Variants in ATP9A observed in about 807,000 individuals in gnomAD.
The protein encoded by ATP9A is ATPase phospholipid transporting 9A, also known as probable phospholipid-transporting ATPase IIA.
In ATP9A, 52 loss-of-function variants were observed where a neutral mutation model predicts 144.1. That is an observed-to-expected ratio of 0.36 (90% CI 0.29 to 0.45). The LOEUF is 0.45. ATP9A is among the 20% of genes least tolerant of loss of function. ATP9A has a pLI of 1.00. For missense variants in ATP9A, 947 were observed against 1,392.7 expected, an observed-to-expected ratio of 0.68 and a Z score of 5.09; for synonymous variants, 582 against 557.4, an observed-to-expected ratio of 1.04 and a Z score of -0.62.
intron 1 of ATP9A, among the ~76,000 whole-genome samples, chr20:51,730,809 C>T (rs942596049): frequency 2.0e-5 from 3 of 152,068 alleles, no homozygotes; most frequent in African/African-American, 7.2e-5. Flanking sequence ...TCTAATGGGG[C>T]CACTGTTATA....
At chr20:51,690,349 G>A (rs1234984044) in intron 8 of ATP9A, among the ~76,000 whole-genome samples, 2 of 152,056 alleles carry the variant, frequency 1.3e-5, no homozygotes, top group African/African-American at 2.4e-5. Flanking sequence ...GAACCCGGGA[G>A]ACGGAGCCTG....
chr20:51,720,985 T>G (rs1473598792), intron 3 of ATP9A, among the ~76,000 whole-genome samples: 1 of 152,222 alleles, frequency 6.6e-6, no homozygotes, highest in African/African-American at 2.4e-5. Flanking sequence ...AAAGGGCCTC[T>G]CTAGCTCTCA....
At chr20:51,733,141 C>T (rs576552348) in intron 1 of ATP9A, among the ~76,000 whole-genome samples, 5 of 152,150 alleles carry the variant, frequency 3.3e-5, no homozygotes, top group Non-Finnish European at 7.3e-5. Context: ...TTATTAATTA[C>T]TTAGCCTATC....
chr20:51,644,986 C>T (rs373308561), intron 14 of ATP9A, among the ~76,000 whole-genome samples: 2 of 152,182 alleles, frequency 1.3e-5, no homozygotes, highest in East Asian at 3.8e-4. Flanking sequence ...GCAGCAGAAT[C>T]GGCCAGCCCA....
At chr20:51,723,296 G>A (rs2077697475) in intron 3 of ATP9A, among the ~76,000 whole-genome samples, 1 of 152,050 alleles carries the variant, frequency 6.6e-6, no homozygotes, top group Non-Finnish European at 1.5e-5. Context: ...CAAATAGGGT[G>A]CAGTGTATAC....
chr20:51,627,253 C>G (rs1404363752), intron 17 of ATP9A, among the ~76,000 whole-genome samples: 1 of 151,950 alleles, frequency 6.6e-6, no homozygotes, highest in East Asian at 1.9e-4. Flanking sequence ...TTTTTGGCCC[C>G]AAATGGTAGC....
intron 11 of ATP9A, among the ~76,000 whole-genome samples, chr20:51,673,236 T>C (rs958713003): frequency 6.6e-6 from 1 of 152,036 alleles, no homozygotes; most frequent in African/African-American, 2.4e-5. Context: ...TAGCCAAGCG[T>C]GGTGGCAGGA....
intron 7 of ATP9A, among the ~76,000 whole-genome samples, chr20:51,692,904 C>T (rs1601108600): frequency 6.6e-6 from 1 of 152,272 alleles, no homozygotes; most frequent in Middle Eastern, 3.4e-3. Context: ...CATAGGGTGG[C>T]TACATTTCTT....
intron 16 of ATP9A, among the ~76,000 whole-genome samples, chr20:51,628,343 T>C (rs1264698035): frequency 6.6e-6 from 1 of 152,240 alleles, no homozygotes; most frequent in African/African-American, 2.4e-5. Flanking sequence ...CAGCCTCTGA[T>C]GTGGCCCCTC....
chr20:51,636,907 T>C (rs772790236), intron 15 of ATP9A, among the ~76,000 whole-genome samples: 14 of 152,150 alleles, frequency 9.2e-5, no homozygotes, highest in Non-Finnish European at 1.5e-4. Flanking sequence ...CTCGCCAACA[T>C]GGCAAAACCC....
chr20:51,610,980 C>A (rs2077182956), intron 23 of ATP9A, among the ~76,000 whole-genome samples: 1 of 152,116 alleles, frequency 6.6e-6, no homozygotes, highest in Non-Finnish European at 1.5e-5. Flanking sequence ...CTGGGGAGAT[C>A]CAATCAGGCT....
At chr20:51,701,750 G>A (rs1337430779) in intron 4 of ATP9A, among the ~76,000 whole-genome samples, 1 of 152,176 alleles carries the variant, frequency 6.6e-6, no homozygotes, top group African/African-American at 2.4e-5. Context: ...TTGAGGGGAT[G>A]AGCCTCGGAT....
chr20:51,713,612 T>C (rs956479427), intron 3 of ATP9A, among the ~76,000 whole-genome samples: 61 of 152,180 alleles, frequency 4.0e-4, no homozygotes, highest in Non-Finnish European at 1.2e-4. Context: ...GAAATCTTAA[T>C]CTTTACTGCC....
At chr20:51,741,034 TTTAATTAATTAAAAATAAATTTTAA>T (rs148503718) in intron 1 of ATP9A, among the ~76,000 whole-genome samples, 3 of 148,336 alleles carry the variant, frequency 2.0e-5, no homozygotes, top group South Asian at 2.1e-4. Context: ...TAAATTTTAA[TTTAATTAATTAAAAATAAATTTTAA>T]TTAATTAATT....
chr20:51,730,555 G>A (rs775029671), intron 1 of ATP9A, among the ~76,000 whole-genome samples: 5 of 152,188 alleles, frequency 3.3e-5, no homozygotes, highest in African/African-American at 4.8e-5. Flanking sequence ...ACAAGGATAC[G>A]CTCTAAGAAA....
intron 4 of ATP9A, among the ~76,000 whole-genome samples, chr20:51,707,154 A>C (rs1473336565): frequency 6.6e-6 from 1 of 152,136 alleles, no homozygotes; most frequent in Non-Finnish European, 1.5e-5. Flanking sequence ...CCTGAGTTCC[A>C]TGTTCAGGTG....
At chr20:51,736,866 G>A (rs980402254) in intron 1 of ATP9A, among the ~76,000 whole-genome samples, 4 of 151,996 alleles carry the variant, frequency 2.6e-5, no homozygotes, top group African/African-American at 9.7e-5. Flanking sequence ...AAGGGGGGTG[G>A]CAGTGGGGGA....
At chr20:51,749,400 G>A (rs564991126) in intron 1 of ATP9A, among the ~76,000 whole-genome samples, 24 of 152,058 alleles carry the variant, frequency 1.6e-4, no homozygotes, top group African/African-American at 5.3e-4. Flanking sequence ...CGAGTAGCTG[G>A]GATTACAGGT....
intron 9 of ATP9A, among the ~76,000 whole-genome samples, chr20:51,681,227 A>G (rs2077498383): frequency 1.3e-5 from 2 of 152,284 alleles, no homozygotes; most frequent in Admixed American, 6.5e-5. Flanking sequence ...ACACTTCATC[A>G]ATTAAAAGTA....
Sources: gnomAD v4.1 joint callset for allele counts (sites outside exome capture counted in the v4.1 genomes callset) on GRCh38, gnomAD v4.1.1 for gene constraint, MANE v1.5 for transcripts, NCBI Gene and HGNC (gene_info 2026-07-23, HGNC 2026-07-21) for gene names.